SVIL: variants seen among roughly 807,000 people sequenced by gnomAD.
The protein encoded by SVIL is supervillin.
In SVIL, 101 loss-of-function variants were observed where a neutral mutation model predicts 240.4. The observed-to-expected ratio is 0.42, with a 90% CI of 0.36 to 0.50. The LOEUF (loss-of-function observed/expected upper bound fraction) is 0.50, where lower values mean the gene tolerates loss of function less well. Among genes scored for constraint, SVIL ranks in the 20% least tolerant of loss-of-function variants. SVIL has a pLI of 0.01. For missense variants in SVIL, 2,512 were observed against 2,818.7 expected, an observed-to-expected ratio of 0.89 and a Z score of 2.46; for synonymous variants, 999 against 1,100.0, an observed-to-expected ratio of 0.91 and a Z score of 1.82.
chr10:29,465,083 A>G (rs1588799190), intron 34 of SVIL, among the ~76,000 whole-genome samples: 1 of 152,202 alleles, frequency 6.6e-6, no homozygotes, highest in African/African-American at 2.4e-5. Flanking sequence ...GGGGCTGGCC[A>G]TGTGACAGGC....
intron 30 of SVIL, 157 bp downstream of exon 30, chr10:29,473,681 C>A: frequency 2.2e-6 from 2 of 905,436 alleles, no homozygotes; most frequent in Non-Finnish European, 3.3e-6. Context: ...GAGGCACAGC[C>A]TGAGACCTGC....
intron 3 of SVIL, among the ~76,000 whole-genome samples, chr10:29,656,940 T>C (rs1959024697): frequency 6.6e-6 from 1 of 152,230 alleles, no homozygotes. Context: ...TAAAGTTTGG[T>C]ATTTGCCAGC....
At chr10:29,505,053 A>C (rs1187488448) in intron 17 of SVIL, among the ~76,000 whole-genome samples, 1 of 152,166 alleles carries the variant, frequency 6.6e-6, no homozygotes, top group Admixed American at 6.5e-5. Context: ...GACACAGTGG[A>C]GGCTCACGCC....
intron 18 of SVIL, among the ~76,000 whole-genome samples, chr10:29,496,720 T>C (rs1364781750): frequency 6.6e-6 from 1 of 152,200 alleles, no homozygotes; most frequent in Non-Finnish European, 1.5e-5. Context: ...GAATTCTAGG[T>C]ACAACAACCA....
intron 2 of SVIL, among the ~76,000 whole-genome samples, chr10:29,661,769 G>C (rs1031568968): frequency 6.6e-6 from 1 of 152,202 alleles, no homozygotes; most frequent in African/African-American, 2.4e-5. Flanking sequence ...ACAGTGAATG[G>C]ATGTTTCTGG....
At chr10:29,674,962 C>T (rs1252683018) in intron 2 of SVIL, among the ~76,000 whole-genome samples, 1 of 152,190 alleles carries the variant, frequency 6.6e-6, no homozygotes, top group African/African-American at 2.4e-5. Context: ...TACAAAAGTC[C>T]CACCTGGATA....
At chr10:29,586,807 T>C (rs1299530601) in intron 1 of SVIL, among the ~76,000 whole-genome samples, 7 of 152,150 alleles carry the variant, frequency 4.6e-5, no homozygotes, top group South Asian at 2.1e-4. Flanking sequence ...AACCAAATAC[T>C]ACTTGTTCTC....
In SVIL at chr10:29,529,798, G is replaced by A; in HGVS notation, c.2153C>T (p.Ser718Leu). ...CCTCTGCTCCACAGCTGTGTTTCTTGAGCGTCGCTTTGGAACATTTTGTTC... is the reference window on the plus strand; with the variant it reads ...CCTCTGCTCCACAGCTGTGTTTCTTAAGCGTCGCTTTGGAACATTTTGTTC... ...FDEQNVPKRR[S>L]RNTAVEQRLR... is the part of the protein sequence containing the mutation. The change falls in exon 12 of 38, where the codon TCA (serine) becomes TTA (leucine). Residue 718 changes from serine to leucine, a missense_variant. By Grantham distance (145) the Ser-to-Leu change is moderately radical. Coordinates refer to ENST00000355867, the MANE Select transcript of SVIL (RefSeq NM_021738.3). The A allele has an allele frequency of 6.2e-7, 1 of 1,613,312 alleles. No individual in the cohort carries two copies. The highest frequency in any genetic ancestry group is 8.5e-7 in the Non-Finnish European group (1 of 1,179,764).
chr10:29,556,471 T>C (rs1456474099), intron 3 of SVIL, among the ~76,000 whole-genome samples: 1 of 152,200 alleles, frequency 6.6e-6, no homozygotes, highest in Non-Finnish European at 1.5e-5. Flanking sequence ...CACAAAGTTT[T>C]ATATTGCCCT....
chr10:29,541,051 G>A (rs548382260), intron 6 of SVIL, among the ~76,000 whole-genome samples: 279 of 152,352 alleles, frequency 1.8e-3, no homozygotes, highest in African/African-American at 6.6e-3. Flanking sequence ...AATAGCAGGT[G>A]AGATTTTTTA....
At chr10:29,669,702 C>T (rs926588938) in intron 2 of SVIL, among the ~76,000 whole-genome samples, 4 of 152,062 alleles carry the variant, frequency 2.6e-5, no homozygotes, top group African/African-American at 9.7e-5. Flanking sequence ...GCTGAGTGAA[C>T]GAAGGTGCCG....
chr10:29,533,209 T>C lies in SVIL; in HGVS notation c.1158A>G (p.Glu386=), dbSNP rs766485783. ...CTACCCAGCTACACTCAGATGCATTTTCTGGGGTTTCTGGCGTCACTAGCT... is the reference window on the plus strand; with the variant it reads ...CTACCCAGCTACACTCAGATGCATTCTCTGGGGTTTCTGGCGTCACTAGCT... ...TAKLVTPETP[E]NASECSWVAS... The change falls in exon 8 of 38, where the codon GAA becomes GAG. Residue 386 remains glutamate (E), a synonymous_variant. Transcript: ENST00000355867. 6.2e-7 allele frequency: 1 copy of C among 1,614,088 alleles called. No homozygotes were observed. Among genetic ancestry groups the C allele is most frequent in the East Asian group, 2.2e-5 (1 of 44,866 alleles).
rs531042892 is a variant in SVIL, at chr10:29,660,351, C to A, written c.-300-2283G>T. Among the ~76,000 whole-genome samples, 72 of 152,080 alleles carry A rather than the reference C, an allele frequency of 4.7e-4. 1 individual carries two copies. The highest frequency in any genetic ancestry group is 9.1e-4 in the Non-Finnish European group (62 of 68,008). On this transcript the variant is annotated intron_variant, in intron 2 of 35. Coordinates refer to the SVIL transcript ENST00000375400. ...AAAAGGCAGGGTGGGGTGGCTCATA[C>A]CTATTGTTCCAGCACTTTAGGAGGC...
intron 1 of SVIL, among the ~76,000 whole-genome samples, chr10:29,708,257 C>CAAAAAAAAAAAAAAAAAAAAAAAAAA (rs35982600): frequency 1.6e-5 from 1 of 62,708 alleles, no homozygotes; most frequent in Non-Finnish European, 3.0e-5. Flanking sequence ...GACTCCATCT[C>CAAAAAAAAAAAAAAAAAAAAAAAAAA]AAAAAAAAAA....
At chr10:29,552,511 C>T (rs112823185) in intron 5 of SVIL, among the ~76,000 whole-genome samples, 44,415 of 145,798 alleles carry the variant, frequency 0.3, 6,872 homozygotes, top group African/African-American at 0.39. Context: ...TGCAGTGAGC[C>T]GAGATCATGC....
chr10:29,547,953 G>C (rs1407624106), intron 6 of SVIL, among the ~76,000 whole-genome samples: 1 of 152,174 alleles, frequency 6.6e-6, no homozygotes, highest in African/African-American at 2.4e-5. Context: ...CAAGAACGTG[G>C]TTTCTACGAT....
At chr10:29,470,850 T>G (rs994699744) in intron 31 of SVIL, among the ~76,000 whole-genome samples, 4 of 152,150 alleles carry the variant, frequency 2.6e-5, no homozygotes, top group Non-Finnish European at 4.4e-5. Flanking sequence ...TTTCATAATT[T>G]ATCATAGAAG....
In SVIL at chr10:29,552,433, C is replaced by T. The variant is rs532133630; in HGVS notation, c.161-1170G>A. Among the ~76,000 whole-genome samples, 24 of 151,682 alleles carry T rather than the reference C, an allele frequency of 1.6e-4. No homozygotes were observed. The South Asian group carries it at 2.1e-3, about 14-fold the overall frequency. ...CAAAAATTAGCCAGGCATGGTGGTG[C>T]GTGCTTGTAATTCCAGCTACTCAGG... On this transcript the variant is annotated intron_variant, in intron 5 of 37. Transcript: ENST00000355867.
At chr10:29,488,221 G>A (rs1484004617) in intron 23 of SVIL, among the ~76,000 whole-genome samples, 1 of 151,176 alleles carries the variant, frequency 6.6e-6, no homozygotes, top group Non-Finnish European at 1.5e-5. Flanking sequence ...AGAGCAGAGA[G>A]CCCCTCTGAT....
Sources: gnomAD v4.1 joint callset for allele counts (sites outside exome capture counted in the v4.1 genomes callset) on GRCh38, gnomAD v4.1.1 for gene constraint, MANE v1.5 for transcripts, NCBI Gene and HGNC (gene_info 2026-07-23, HGNC 2026-07-21) for gene names.